The following SMARCB1 variants were observed in gnomAD, a reference collection of about 807,000 sequenced individuals.
SMARCB1 encodes the protein SWI/SNF-related matrix-associated actin-dependent regulator of chromatin subfamily B member 1.
In SMARCB1, 5 loss-of-function variants were observed where a neutral mutation model predicts 49.0. The observed-to-expected ratio is 0.10, with a 90% CI of 0.05 to 0.21. SMARCB1 has a LOEUF of 0.21. SMARCB1 is among the 10% of genes least tolerant of loss of function. The pLI, the probability that SMARCB1 is intolerant of heterozygous loss-of-function variation, is 1.00. For synonymous variants in SMARCB1, 201 were observed against 200.1 expected, an observed-to-expected ratio of 1.00 and a Z score of -0.04; for missense variants, 226 against 509.2, an observed-to-expected ratio of 0.44 and a Z score of 5.35.
At chr22:23,805,328 C>T (rs2145986741) in intron 5 of SMARCB1, among the ~76,000 whole-genome samples, 1 of 152,200 alleles carries the variant, frequency 6.6e-6, no homozygotes, top group East Asian at 1.9e-4. Context: ...CTGGTCATGC[C>T]CCAGAACAGG....
At chr22:23,797,482 T>C (rs1928840546) in intron 3 of SMARCB1, among the ~76,000 whole-genome samples, 1 of 150,430 alleles carries the variant, frequency 6.6e-6, no homozygotes, top group South Asian at 2.1e-4. Context: ...CTAATTTTTT[T>C]TGTATTTTTA....
At position 23,831,835 on chromosome 22, in the gene SMARCB1, C is replaced by A. The variant is rs2030672243; in HGVS notation, c.987-1737C>A. ...GTCTGAGGCTAGGGTGGTCCCTAGA[C>A]TGCTAAACCACCCGGTGCTGGCCAG... On this transcript the variant is annotated intron_variant, in intron 7 of 8. Transcript: ENST00000644036. Among the ~76,000 whole-genome samples, 4 of 152,324 alleles carry A rather than the reference C, an allele frequency of 2.6e-5. 1 individual carries two copies. In the South Asian group the frequency reaches 8.3e-4, roughly 32 times the overall value.
intron 5 of SMARCB1, among the ~76,000 whole-genome samples, chr22:23,809,144 G>T (rs1929708671): frequency 6.6e-6 from 1 of 151,722 alleles, no homozygotes; most frequent in Non-Finnish European, 1.5e-5. Context: ...AATGATGGTA[G>T]ATTTCTCGTG....
intron 4 of SMARCB1, chr22:23,802,976 C>G (rs1249924851): frequency 2.2e-6 from 1 of 451,840 alleles, no homozygotes; most frequent in African/African-American, 2.0e-5. Flanking sequence ...TCTCCTTTCC[C>G]ATAGCCTTCC....
At chr22:23,799,830 G>A (rs1201108487) in intron 3 of SMARCB1, among the ~76,000 whole-genome samples, 1 of 151,712 alleles carries the variant, frequency 6.6e-6, no homozygotes, top group African/African-American at 2.4e-5. Flanking sequence ...GACTGCAGGC[G>A]CCTGCCACCA....
chr22:23,793,079 C>G (rs952464920), intron 2 of SMARCB1: 2 of 250,474 alleles, frequency 8.0e-6, no homozygotes, highest in Non-Finnish European at 1.6e-5. Flanking sequence ...TTCCAACTCT[C>G]TGGGCTCTTG....
At chr22:23,803,808 C>T (rs781457125) in intron 5 of SMARCB1, 14 of 344,614 alleles carry the variant, frequency 4.1e-5, no homozygotes, top group East Asian at 2.1e-4. Context: ...ATGTGTGCCC[C>T]GTGCCTCTCT....
At position 23,811,777 on chromosome 22, in the gene SMARCB1, A is replaced by C. The variant is rs1056274908; in HGVS notation, c.629-4993A>C. Among the ~76,000 whole-genome samples, 4 of 152,352 alleles carry C rather than the reference A, an allele frequency of 2.6e-5. No individual in the cohort carries two copies. In the South Asian group the frequency reaches 8.3e-4, roughly 32 times the overall value. On this transcript the variant is annotated intron_variant, in intron 5 of 8. Coordinates refer to ENST00000644036, the MANE Select transcript of SMARCB1 (RefSeq NM_003073.5). ...CCTCAAGTCGATAATCTAAGCTCTAATCTCAAGAACCAAGAGAAACAAAAC... is the reference window on the plus strand; with the variant it reads ...CCTCAAGTCGATAATCTAAGCTCTACTCTCAAGAACCAAGAGAAACAAAAC...
chr22:23,819,992 G>A (rs1366624105), intron 6 of SMARCB1, among the ~76,000 whole-genome samples: 1 of 152,020 alleles, frequency 6.6e-6, no homozygotes, highest in African/African-American at 2.4e-5. Context: ...ACCACGCCCG[G>A]CTAAATTTTG....
At position 23,810,485 on chromosome 22, in the gene SMARCB1, G is replaced by A. The variant is rs1305848128; in HGVS notation, c.629-6285G>A. On this transcript the variant is annotated intron_variant, in intron 5 of 8. Transcript: ENST00000644036. ...GGAGGTTGCAGTGAGCCGAGATCACGCCACTGCACTCCAGCCTGGGCAACA... is the reference window on the plus strand; with the variant it reads ...GGAGGTTGCAGTGAGCCGAGATCACACCACTGCACTCCAGCCTGGGCAACA... Among the ~76,000 whole-genome samples the A allele has an allele frequency of 3.2e-4, 38 of 119,976 alleles. No individual in the cohort carries two copies. In the Admixed American group the frequency reaches 4.4e-3, roughly 14 times the overall value. The allele number at this position is 119,976 out of a possible 152,430, so 78.7% of individuals were successfully genotyped here. A position where few individuals can be genotyped will look rare whatever the true frequency, so the allele number is the denominator to read the frequency against.
Position 23,837,042 on chromosome 22 carries a change from A to C in SMARCB1, c.*2862A>C, listed in dbSNP as rs568972029. 1.4e-5 allele frequency: 18 copies of C among 1,320,174 alleles called. No individual in the cohort carries two copies. The African/African-American group carries it at 2.5e-4, about 18-fold the overall frequency. The allele number at this position is 1,320,174 out of a possible 1,614,324, so 81.8% of individuals were successfully genotyped here. On this transcript the variant is annotated 3_prime_UTR_variant, in exon 9 of 9. Coordinates refer to ENST00000644036, the MANE Select transcript of SMARCB1 (RefSeq NM_003073.5). ...GATCCTTCTGAGGGTGGGGAGAGGGAGGGAGGGCTCTCAACACTCACAGGA... is the reference window on the plus strand; with the variant it reads ...GATCCTTCTGAGGGTGGGGAGAGGGCGGGAGGGCTCTCAACACTCACAGGA...
At chr22:23,821,862 CAAAAAAAA>C (rs35051501) in intron 6 of SMARCB1, among the ~76,000 whole-genome samples, 1 of 117,436 alleles carries the variant, frequency 8.5e-6, no homozygotes. Flanking sequence ...GACTCTGTCT[CAAAAAAAA>C]AAAAAAGAAA....
At position 23,837,930 on chromosome 22, in the gene SMARCB1, A is replaced by AT. The variant is rs1344406235; in HGVS notation, c.*3750_*3751insT. 3 of 1,420,850 alleles carry AT rather than the reference A, an allele frequency of 2.1e-6. No homozygotes were observed. In the African/African-American group the frequency reaches 4.3e-5, roughly 20 times the overall value. 88.0% of individuals were successfully genotyped at this position (1,420,850 alleles called of 1,614,324 possible). On this transcript the variant is annotated 3_prime_UTR_variant, in exon 9 of 9. Coordinates refer to ENST00000644036, the MANE Select transcript of SMARCB1 (RefSeq NM_003073.5). ...CCCCTCTGACTTCCCAAGACCCTGG[A>AT]ATTCTTCCCCTCATCTCCCCTATGT...
In SMARCB1 at chr22:23,834,844, G is replaced by A; in HGVS notation, c.*664G>A. 1.9e-6 allele frequency: 3 copies of A among 1,612,212 alleles called. No homozygotes were observed. Among genetic ancestry groups the A allele is most frequent in the Non-Finnish European group, 2.5e-6 (3 of 1,179,592 alleles). On this transcript the variant is annotated 3_prime_UTR_variant, in exon 9 of 9. Transcript: ENST00000644036. ...GCTTGGCCTCAGGAAGGTGCCGCGA[G>A]CTCTCCTGCCGTCCCTGGGCCGCCC...
At chr22:23,800,082 G>T (rs1456818271) in intron 3 of SMARCB1, among the ~76,000 whole-genome samples, 2 of 152,164 alleles carry the variant, frequency 1.3e-5, no homozygotes, top group African/African-American at 2.4e-5. Flanking sequence ...ATCCGCCTTG[G>T]CCTCCCAAAG....
chr22:23,792,151 G>A, intron 2 of SMARCB1: 4 of 490,534 alleles, frequency 8.2e-6, no homozygotes, highest in East Asian at 7.7e-5. Flanking sequence ...AGCAGGTGCT[G>A]TGAAGACATG....
chr22:23,797,000 C>CTTT (rs1166157626), intron 3 of SMARCB1, among the ~76,000 whole-genome samples: 2 of 135,394 alleles, frequency 1.5e-5, no homozygotes, highest in Non-Finnish European at 3.2e-5. Flanking sequence ...GGTTGTTTTT[C>CTTT]TTTTTTTTTT....
rs575259988 is a variant in SMARCB1 at position 23,836,509 on chromosome 22, G to A, written c.*2329G>A. ...CTTGCCCAAGGCCCTGGTGGGGCCA[G>A]GATGAGAACCCTGAGCCTGTCACCT... On this transcript the variant is annotated 3_prime_UTR_variant, in exon 9 of 9. Transcript: ENST00000644036. 8.8e-6 allele frequency: 9 copies of A among 1,019,692 alleles called. No homozygotes were observed. The East Asian group carries it at 7.1e-4, about 80-fold the overall frequency. The allele number at this position is 1,019,692 out of a possible 1,614,324, so 63.2% of individuals were successfully genotyped here.
Position 23,836,480 on chromosome 22 carries a change from A to C in SMARCB1, c.*2300A>C. ...CAGGTAGCAGAGGCCTATGGTGGGCAGGACTTGCCCAAGGCCCTGGTGGGG... is the reference window on the plus strand; with the variant it reads ...CAGGTAGCAGAGGCCTATGGTGGGCCGGACTTGCCCAAGGCCCTGGTGGGG... On this transcript the variant is annotated 3_prime_UTR_variant, in exon 9 of 9. Transcript: ENST00000644036. The C allele has an allele frequency of 6.0e-6, 6 of 1,001,698 alleles. No individual in the cohort carries two copies. The highest frequency in any genetic ancestry group is 7.1e-6 in the Non-Finnish European group (6 of 841,204). The allele number at this position is 1,001,698 out of a possible 1,614,324, so 62.1% of individuals were successfully genotyped here. A position where few individuals can be genotyped will look rare whatever the true frequency, so the allele number is the denominator to read the frequency against.
Sources: gnomAD v4.1 joint callset for allele counts (sites outside exome capture counted in the v4.1 genomes callset) on GRCh38, gnomAD v4.1.1 for gene constraint, MANE v1.5 for transcripts, NCBI Gene and HGNC (gene_info 2026-07-23, HGNC 2026-07-21) for gene names.